CMSS1: variants seen among roughly 807,000 people sequenced by gnomAD.
The protein encoded by CMSS1 is cms1 ribosomal small subunit homolog.
CMSS1 carries 33 observed loss-of-function variants against 43.5 expected under a neutral mutation model. The ratio of observed to expected loss-of-function variants is 0.76; its 90% CI spans 0.57 to 1.01. The LOEUF (loss-of-function observed/expected upper bound fraction) is 1.01, where lower values mean the gene tolerates loss of function less well. Among genes scored for constraint, CMSS1 ranks in the 50% least tolerant of loss-of-function variants. The probability of loss-of-function intolerance (pLI) is 0.00; values close to 1 mark genes in which losing one functional copy is unlikely to be tolerated. For missense variants in CMSS1, 313 were observed against 326.4 expected (o/e 0.96, Z 0.32); for synonymous variants, 115 against 117.2 (o/e 0.98, Z 0.12).
At chr3:99,935,572 G>T (rs1170370831) in intron 1 of CMSS1, among the ~76,000 whole-genome samples, 1 of 152,216 alleles carries the variant, frequency 6.6e-6, no homozygotes, top group Non-Finnish European at 1.5e-5. Flanking sequence ...GATCACTCAG[G>T]CTGGAACAAG....
chr3:99,882,276 T>C (rs1184133473), intron 1 of CMSS1, among the ~76,000 whole-genome samples: 1 of 152,214 alleles, frequency 6.6e-6, no homozygotes, highest in Non-Finnish European at 1.5e-5. Flanking sequence ...ATTATTTATG[T>C]AGTTAATTGC....
At chr3:100,171,088 A>T (rs1373487739) in intron 6 of CMSS1, among the ~76,000 whole-genome samples, 1 of 152,170 alleles carries the variant, frequency 6.6e-6, no homozygotes, top group African/African-American at 2.4e-5. Flanking sequence ...AGTGCCCCTC[A>T]GTCTTCACCC....
chr3:100,036,262 A>G (rs1171263120), intron 1 of CMSS1, among the ~76,000 whole-genome samples: 24 of 152,208 alleles, frequency 1.6e-4, no homozygotes, highest in Non-Finnish European at 1.5e-5. Context: ...TTTCCCACTA[A>G]GAGGAACAAA....
chr3:99,924,065 C>T (rs1186385839), intron 1 of CMSS1, among the ~76,000 whole-genome samples: 2 of 152,206 alleles, frequency 1.3e-5, no homozygotes, highest in African/African-American at 4.8e-5. Flanking sequence ...GTTATCCATA[C>T]ATTGTACTGA....
chr3:100,066,115 A>G (rs1046094906), intron 1 of CMSS1, among the ~76,000 whole-genome samples: 3 of 152,182 alleles, frequency 2.0e-5, no homozygotes, highest in Admixed American at 6.5e-5. Flanking sequence ...ATTACCATCT[A>G]TTTTCCCTTG....
intron 1 of CMSS1, among the ~76,000 whole-genome samples, chr3:99,962,262 G>A (rs1038162769): frequency 1.3e-5 from 2 of 152,126 alleles, no homozygotes; most frequent in African/African-American, 2.4e-5. Context: ...GAAATGCTAG[G>A]GCAGAAACCA....
At chr3:99,940,850 C>T (rs1364138679) in intron 1 of CMSS1, among the ~76,000 whole-genome samples, 1 of 152,188 alleles carries the variant, frequency 6.6e-6, no homozygotes, top group Non-Finnish European at 1.5e-5. Context: ...TCAAGAGTTT[C>T]CATCTTTACA....
chr3:99,845,842 T>C (rs1415691277), intron 1 of CMSS1, among the ~76,000 whole-genome samples: 1 of 152,228 alleles, frequency 6.6e-6, no homozygotes, highest in Non-Finnish European at 1.5e-5. Context: ...ATTATTATAC[T>C]GAAGGAATCC....
intron 1 of CMSS1, among the ~76,000 whole-genome samples, chr3:99,974,565 C>T (rs541186182): frequency 1.1e-4 from 16 of 152,018 alleles, no homozygotes; most frequent in African/African-American, 2.2e-4. Context: ...CAAAATTAGC[C>T]GGGTGGTGGT....
At chr3:100,076,397 GC>G (rs1206505269) in intron 1 of CMSS1, among the ~76,000 whole-genome samples, 2 of 152,066 alleles carry the variant, frequency 1.3e-5, no homozygotes, top group Non-Finnish European at 2.9e-5. Context: ...CTCACCACCC[GC>G]CCAACACCCT....
chr3:100,138,241 A>G (rs563404278), intron 1 of CMSS1, among the ~76,000 whole-genome samples: 1 of 152,374 alleles, frequency 6.6e-6, no homozygotes, highest in Non-Finnish European at 1.5e-5. Flanking sequence ...TAAACACCCT[A>G]GAAGAAAACT....
intron 1 of CMSS1, among the ~76,000 whole-genome samples, chr3:99,976,979 TC>T (rs1199160551): frequency 6.6e-6 from 1 of 152,188 alleles, no homozygotes; most frequent in African/African-American, 2.4e-5. Context: ...TTGCAGGAAT[TC>T]TATCCTCTTA....
At chr3:100,032,770 A>C (rs903611911) in intron 1 of CMSS1, among the ~76,000 whole-genome samples, 1 of 152,222 alleles carries the variant, frequency 6.6e-6, no homozygotes, top group Admixed American at 6.5e-5. Flanking sequence ...CAATTGCATA[A>C]ATGGTAATGC....
Position 99,991,975 on chromosome 3 carries a change from C to CACAT in CMSS1, c.65-154997_65-154996insCATA, listed in dbSNP as rs1487263369. Among the ~76,000 whole-genome samples, 1,328 of 146,504 alleles carry CACAT rather than the reference C, an allele frequency of 9.1e-3. 11 individuals are homozygous for CACAT. Among genetic ancestry groups the CACAT allele is most frequent in the African/African-American group, 0.018 (697 of 39,554 alleles). ...GTATATATGTGTGTATATATACACA[C>CACAT]ATATATGTGTATATATACGTATATA... On this transcript the variant is annotated intron_variant, in intron 1 of 9. Transcript: ENST00000421999.
chr3:100,041,819 G>T (rs2065209550), intron 1 of CMSS1, among the ~76,000 whole-genome samples: 1 of 152,060 alleles, frequency 6.6e-6, no homozygotes, highest in Non-Finnish European at 1.5e-5. Flanking sequence ...GTTGTGCCTT[G>T]ATTTATCTCA....
rs565670907 is a variant in CMSS1, at chr3:100,091,174, A to C, written c.65-55799A>C. Among the ~76,000 whole-genome samples, 5 of 151,626 alleles carry C rather than the reference A, an allele frequency of 3.3e-5. No homozygotes were observed. The South Asian group carries it at 1.0e-3, about 32-fold the overall frequency. The stretch of plus-strand genomic sequence containing the variant: ...GTGGCGGGCACCTGTAGTCCCAGCT[A>C]CTCGGGAGGCTGAGGCAGGAGAATG... On this transcript the variant is annotated intron_variant, in intron 1 of 9. Transcript: ENST00000421999.
chr3:100,113,091 A>C (rs1483848957), intron 1 of CMSS1, among the ~76,000 whole-genome samples: 2 of 152,230 alleles, frequency 1.3e-5, no homozygotes, highest in Admixed American at 6.5e-5. Context: ...TATGTGTTGC[A>C]CCTCTTCTAT....
chr3:100,002,692 A>G (rs1245802146), intron 1 of CMSS1, among the ~76,000 whole-genome samples: 3 of 152,220 alleles, frequency 2.0e-5, no homozygotes, highest in Admixed American at 2.0e-4. Flanking sequence ...CTTGAAGCTC[A>G]TCTAATTGTA....
intron 2 of CMSS1, among the ~76,000 whole-genome samples, chr3:100,149,493 T>A (rs926891689): frequency 2.0e-5 from 3 of 152,254 alleles, no homozygotes; most frequent in Non-Finnish European, 4.4e-5. Flanking sequence ...CTTAAGCTGT[T>A]ACTGCCCCCT....
Sources: gnomAD v4.1 joint callset for allele counts (sites outside exome capture counted in the v4.1 genomes callset) on GRCh38, gnomAD v4.1.1 for gene constraint, MANE v1.5 for transcripts, NCBI Gene and HGNC (gene_info 2026-07-23, HGNC 2026-07-21) for gene names.